Variants in ADAMTS19 observed in about 807,000 individuals in gnomAD.
ADAMTS19 encodes the protein ADAM metallopeptidase with thrombospondin type 1 motif 19.
Under a neutral mutation model 153.3 loss-of-function variants are expected in ADAMTS19, and 93 were observed. The observed-to-expected ratio is 0.61, with a 90% CI of 0.51 to 0.72. The LOEUF (loss-of-function observed/expected upper bound fraction) is 0.72, where lower values mean the gene tolerates loss of function less well. Among genes scored for constraint, ADAMTS19 ranks in the 30% least tolerant of loss-of-function variants. The probability of loss-of-function intolerance (pLI) is 0.00; values close to 1 mark genes in which losing one functional copy is unlikely to be tolerated. For synonymous variants in ADAMTS19, 600 were observed against 556.6 expected (o/e 1.08, Z -1.10); for missense variants, 1,482 against 1,552.1 (o/e 0.95, Z 0.76).
At chr5:129,707,203 T>C (rs952986181) in intron 21 of ADAMTS19, among the ~76,000 whole-genome samples, 43 of 152,324 alleles carry the variant, frequency 2.8e-4, no homozygotes, top group African/African-American at 1.0e-3. Context: ...CAAGTTTGCA[T>C]GGACTTTGAT....
chr5:129,479,142 G>A (rs189251359), intron 2 of ADAMTS19, among the ~76,000 whole-genome samples: 78 of 152,200 alleles, frequency 5.1e-4, no homozygotes, highest in African/African-American at 9.9e-4. Flanking sequence ...AAAGCCGTAT[G>A]TGTGTGTGGT....
intron 10 of ADAMTS19, among the ~76,000 whole-genome samples, chr5:129,641,235 C>G (rs1251893487): frequency 6.6e-6 from 1 of 152,116 alleles, no homozygotes; most frequent in African/African-American, 2.4e-5. Flanking sequence ...CATGTTTCAG[C>G]TGCCTTATCC....
rs571284879 is a variant in ADAMTS19 at position 129,461,076 on chromosome 5, C to T, written c.92-26C>T. The T allele has an allele frequency of 4.1e-5, 56 of 1,360,764 alleles. No individual in the cohort carries two copies. The African/African-American group carries it at 8.4e-4, about 20-fold the overall frequency. The allele number at this position is 1,360,764 out of a possible 1,614,324, so 84.3% of individuals were successfully genotyped here. A position where few individuals can be genotyped will look rare whatever the true frequency, so the allele number is the denominator to read the frequency against. On this transcript the variant is annotated intron_variant, in intron 1 of 22. Coordinates refer to ENST00000274487, the MANE Select transcript of ADAMTS19 (RefSeq NM_133638.6). This position sits in a 1 kb window ranked among gnomAD's most constrained non-coding sequence, Gnocchi z 4.6. The stretch of plus-strand genomic sequence containing the variant: ...ACTGGAACCGCGGCACTTTAAGCCC[C>T]GCACTTCTGTCTGCCCCGCCCGCAG...
At chr5:129,553,345 A>G (rs1337895306) in intron 7 of ADAMTS19, among the ~76,000 whole-genome samples, 2 of 152,068 alleles carry the variant, frequency 1.3e-5, no homozygotes, top group Admixed American at 1.3e-4. Context: ...TGACAACAGA[A>G]CTTCACATCT....
intron 10 of ADAMTS19, among the ~76,000 whole-genome samples, chr5:129,626,282 A>G (rs1358867699): frequency 6.6e-6 from 1 of 152,110 alleles, no homozygotes; most frequent in Non-Finnish European, 1.5e-5. Flanking sequence ...ATCAGATCTC[A>G]TATTTAAACT....
chr5:129,501,112 G>T (rs76241697), intron 2 of ADAMTS19, among the ~76,000 whole-genome samples: 3,609 of 152,112 alleles, frequency 0.024, 96 homozygotes, highest in African/African-American at 0.067. Flanking sequence ...GGATTTAGAA[G>T]AATTTTTTAA....
chr5:129,482,921 G>GGGTCATAATATAATTTGGGGTCTTATATA (rs1283763006), intron 2 of ADAMTS19, among the ~76,000 whole-genome samples: 3 of 151,868 alleles, frequency 2.0e-5, no homozygotes, highest in Non-Finnish European at 4.4e-5. Flanking sequence ...TTATATTTTG[G>GGGTCATAATATAATTTGGGGTCTTATATA]TATTATAGGG....
At chr5:129,572,662 T>C (rs1053787684) in intron 7 of ADAMTS19, among the ~76,000 whole-genome samples, 1 of 151,998 alleles carries the variant, frequency 6.6e-6, no homozygotes, top group Non-Finnish European at 1.5e-5. Flanking sequence ...GGAAAGAAGA[T>C]AGTCTCAAAG....
At chr5:129,482,797 C>T (rs2126673632) in intron 2 of ADAMTS19, among the ~76,000 whole-genome samples, 1 of 152,276 alleles carries the variant, frequency 6.6e-6, no homozygotes, top group East Asian at 1.9e-4. Flanking sequence ...TCTATGTTCA[C>T]AGTATCACCA....
At chr5:129,616,614 G>C (rs1304164029) in intron 8 of ADAMTS19, among the ~76,000 whole-genome samples, 1 of 151,950 alleles carries the variant, frequency 6.6e-6, no homozygotes, top group Non-Finnish European at 1.5e-5. Flanking sequence ...AGTTTTATAA[G>C]ATAAAAATAT....
At chr5:129,577,113 C>T (rs1264571688) in intron 7 of ADAMTS19, among the ~76,000 whole-genome samples, 1 of 152,104 alleles carries the variant, frequency 6.6e-6, no homozygotes, top group Non-Finnish European at 1.5e-5. Context: ...GTTCACTAAT[C>T]CTAATTCCTC....
At chr5:129,708,218 GA>G (rs1254265631) in intron 21 of ADAMTS19, among the ~76,000 whole-genome samples, 3 of 152,098 alleles carry the variant, frequency 2.0e-5, no homozygotes, top group Non-Finnish European at 4.4e-5. Context: ...AGCCTTTGTT[GA>G]AAAATGTTCA....
chr5:129,577,558 G>T (rs978316637), intron 7 of ADAMTS19, among the ~76,000 whole-genome samples: 2 of 152,050 alleles, frequency 1.3e-5, no homozygotes, highest in African/African-American at 4.8e-5. Context: ...TTGCATAAAG[G>T]TTTGATGATG....
chr5:129,718,678 C>T (rs1235117147), intron 21 of ADAMTS19, among the ~76,000 whole-genome samples: 1 of 152,142 alleles, frequency 6.6e-6, no homozygotes. Flanking sequence ...GAGGTCCTCT[C>T]TCCACTGTGA....
At chr5:129,573,180 A>G (rs1028296245) in intron 7 of ADAMTS19, among the ~76,000 whole-genome samples, 3 of 152,014 alleles carry the variant, frequency 2.0e-5, no homozygotes, top group Admixed American at 2.0e-4. Context: ...ACCTCTTTTA[A>G]TTGACATTAA....
At chr5:129,489,952 A>G (rs1750714181) in intron 2 of ADAMTS19, among the ~76,000 whole-genome samples, 2 of 152,250 alleles carry the variant, frequency 1.3e-5, no homozygotes, top group African/African-American at 2.4e-5. Flanking sequence ...CCTTCCATGC[A>G]TTAAATAATT....
chr5:129,645,911 C>A (rs1011127596), intron 11 of ADAMTS19, among the ~76,000 whole-genome samples: 2 of 70,606 alleles, frequency 2.8e-5, no homozygotes, highest in African/African-American at 1.2e-4. Context: ...TTTTTTGAGA[C>A]GGAGTCTCGC....
chr5:129,627,801 G>C (rs1348783034), intron 10 of ADAMTS19, among the ~76,000 whole-genome samples: 2 of 152,050 alleles, frequency 1.3e-5, no homozygotes, highest in Admixed American at 1.3e-4. Context: ...ACAGATGCTG[G>C]TGAGGTTGCA....
At chr5:129,562,727 A>G (rs1379138716) in intron 7 of ADAMTS19, among the ~76,000 whole-genome samples, 2 of 152,178 alleles carry the variant, frequency 1.3e-5, no homozygotes, top group African/African-American at 4.8e-5. Context: ...TGGCAAAGAT[A>G]AATGCTGATT....
Sources: allele counts gnomAD v4.1 joint callset (sites outside exome capture counted in the v4.1 genomes callset), GRCh38; gene constraint gnomAD v4.1.1; non-coding constraint Gnocchi (gnomAD v3.1); transcripts MANE v1.5; gene names NCBI Gene and HGNC (gene_info 2026-07-23, HGNC 2026-07-21).